Variants in IKBKE observed in about 807,000 individuals in gnomAD.
IKBKE encodes inhibitor of nuclear factor kappa B kinase subunit epsilon.
In IKBKE, 45 loss-of-function variants were observed where a neutral mutation model predicts 92.1. That is an observed-to-expected ratio of 0.49 (90% CI 0.38 to 0.63). The LOEUF is 0.63. IKBKE is among the 20% of genes least tolerant of loss of function. IKBKE has a pLI of 0.00. For synonymous variants in IKBKE, 374 were observed against 380.3 expected (o/e 0.98, Z 0.19); for missense variants, 700 against 932.8 (o/e 0.75, Z 3.25).
chr1:206,476,468 A>C lies in IKBKE; in HGVS notation c.540+106A>C. 1 of 1,257,544 alleles carries C rather than the reference A, an allele frequency of 8.0e-7. No individual in the cohort carries two copies. The highest frequency in any genetic ancestry group is 2.4e-5 in the East Asian group (1 of 42,502). 77.9% of individuals were successfully genotyped at this position (1,257,544 alleles called of 1,614,324 possible). A position where few individuals can be genotyped will look rare whatever the true frequency, so the allele number is the denominator to read the frequency against. ...GGTGTGGCCCACCTCCTGCTTCCAC[A>C]GGAGTTATGTCTCTCCCCTGTACCC... On this transcript the variant is annotated intron_variant, in intron 6 of 21. Transcript: ENST00000581977. The surrounding 1 kb of genome is among the most constrained non-coding windows in gnomAD (Gnocchi z 5.1).
chr1:206,480,544 G>C lies in IKBKE; in HGVS notation c.1427+11G>C. On this transcript the variant is annotated intron_variant, in intron 13 of 21. Transcript: ENST00000581977. Reference sequence around the variant, plus strand: ...CCTGGGAACTGAGAGGTGGGTGTTCGCCTCAGGCCAGCTGGGACCTCTCAG... The same window carrying C: ...CCTGGGAACTGAGAGGTGGGTGTTCCCCTCAGGCCAGCTGGGACCTCTCAG... The C allele has an allele frequency of 6.2e-7, 1 of 1,603,962 alleles. No homozygotes were observed. Among genetic ancestry groups the C allele is most frequent in the Non-Finnish European group, 8.5e-7 (1 of 1,172,058 alleles).
rs1226446426 is a variant in IKBKE, at chr1:206,487,861, T to G, written c.1617-53T>G. ...GCCACCCTTCCCCTCCCTCCCTCTTTCCTCTGTGCTATTAGATTCTTCCAA... is the reference window on the plus strand; with the variant it reads ...GCCACCCTTCCCCTCCCTCCCTCTTGCCTCTGTGCTATTAGATTCTTCCAA... On this transcript the variant is annotated intron_variant, in intron 15 of 21. Coordinates refer to ENST00000581977, the MANE Select transcript of IKBKE (RefSeq NM_014002.4). This position sits in a 1 kb window ranked among gnomAD's most constrained non-coding sequence, Gnocchi z 5.3. 4 of 1,454,914 alleles carry G rather than the reference T, an allele frequency of 2.7e-6. No homozygotes were observed. The Admixed American group carries it at 7.0e-5, about 25-fold the overall frequency. The allele number at this position is 1,454,914 out of a possible 1,614,324, so 90.1% of individuals were successfully genotyped here.
rs782819440 is a variant in IKBKE at position 206,485,695 on chromosome 1, A to C, written c.1616+389A>C. Among the ~76,000 whole-genome samples the C allele has an allele frequency of 6.6e-6, 1 of 152,206 alleles. No individual in the cohort carries two copies. Among genetic ancestry groups the C allele is most frequent in the Non-Finnish European group, 1.5e-5 (1 of 68,032 alleles). On this transcript the variant is annotated intron_variant, in intron 15 of 21. Coordinates refer to ENST00000581977, the MANE Select transcript of IKBKE (RefSeq NM_014002.4). This position sits in a 1 kb window ranked among gnomAD's most constrained non-coding sequence, Gnocchi z 5.0. ...ATGATGCTATGATAATGCCCTTTTT[A>C]TAGAACCTCAGTCAGTGAGGTTAAC... is the stretch of plus-strand genomic sequence containing the variant.
intron 13 of IKBKE, among the ~76,000 whole-genome samples, chr1:206,483,888 G>T (rs1665520290): frequency 6.6e-6 from 1 of 152,018 alleles, no homozygotes; most frequent in Non-Finnish European, 1.5e-5. Flanking sequence ...TGTTTGTCTT[G>T]TCCTTCTTTC....
intron 21 of IKBKE, among the ~76,000 whole-genome samples, chr1:206,495,803 C>A (rs944774): frequency 0.43 from 66,084 of 151,984 alleles, 14,721 homozygotes; most frequent in South Asian, 0.58. Context: ...AACTCCTTTC[C>A]CCTCCTAAAC....
chr1:206,492,489 T>C, intron 18 of IKBKE: 1 of 471,358 alleles, frequency 2.1e-6, no homozygotes, highest in South Asian at 1.5e-5. Context: ...TCTGGTGTAA[T>C]TGCTCTGGAG....
chr1:206,474,289 C>T (rs1553384557), intron 3 of IKBKE, 42 bp from the exon 4 acceptor site: 1 of 1,584,354 alleles, frequency 6.3e-7, no homozygotes, highest in Non-Finnish European at 8.6e-7. Flanking sequence ...GGGACATGTG[C>T]TAATCCCATG....
chr1:206,471,489 C>T (rs1243755803), intron 2 of IKBKE, among the ~76,000 whole-genome samples: 1 of 152,194 alleles, frequency 6.6e-6, no homozygotes, highest in African/African-American at 2.4e-5. Flanking sequence ...CACCGCTTGT[C>T]TGGGGGTCTG....
At chr1:206,489,498 T>C (rs1412919478) in intron 16 of IKBKE, among the ~76,000 whole-genome samples, 1 of 145,930 alleles carries the variant, frequency 6.9e-6, no homozygotes, top group African/African-American at 2.5e-5. Flanking sequence ...GGCCCAGGAG[T>C]TCAAGACCAG....
intron 2 of IKBKE, among the ~76,000 whole-genome samples, chr1:206,471,458 C>T (rs966936634): frequency 8.5e-5 from 13 of 152,220 alleles, no homozygotes; most frequent in East Asian, 3.9e-4. Flanking sequence ...CCAGAGCTCC[C>T]GGGCACAGAA....
At chr1:206,492,514 C>T in intron 18 of IKBKE, 2 of 471,376 alleles carry the variant, frequency 4.2e-6, no homozygotes, top group Non-Finnish European at 8.8e-6. Flanking sequence ...GCTTGGATGT[C>T]AGTGTAGTAC....
In IKBKE at chr1:206,478,919, G is replaced by A. The variant is rs2103460730; in HGVS notation, c.993-24G>A. On this transcript the variant is annotated intron_variant, in intron 9 of 21. Transcript: ENST00000581977. The surrounding 1 kb of genome is among the most constrained non-coding windows in gnomAD (Gnocchi z 4.8). ...TGCCTACTGACACCCCCTGCCCTCT[G>A]CTCCCCACCACGGCTGTGTCTAGGA... 2 of 1,611,458 alleles carry A rather than the reference G, an allele frequency of 1.2e-6. No individual in the cohort carries two copies. The highest frequency in any genetic ancestry group is 1.7e-6 in the Non-Finnish European group (2 of 1,177,934).
Position 206,474,981 on chromosome 1 carries a change from G to A in IKBKE, c.345G>A (p.Val115=), listed in dbSNP as rs2103451329. ...FGLPEDEFLV[V]LRCVVAGMNH... is the part of the protein sequence containing the mutation. ...TGCCTGAGGATGAGTTCCTGGTGGT[G>A]CTGCGCTGTGTGGGTGAGCCCCTCC... Residue 115 remains valine, a synonymous_variant, in exon 5 of 22, where the codon GTG becomes GTA. Coordinates refer to ENST00000581977, the MANE Select transcript of IKBKE (RefSeq NM_014002.4). 1 of 1,614,024 alleles carries A rather than the reference G, an allele frequency of 6.2e-7. No homozygotes were observed. Among genetic ancestry groups the A allele is most frequent in the Non-Finnish European group, 8.5e-7 (1 of 1,180,032 alleles).
chr1:206,483,494 A>G (rs978308674), intron 13 of IKBKE, among the ~76,000 whole-genome samples: 25 of 152,290 alleles, frequency 1.6e-4, no homozygotes, highest in African/African-American at 5.3e-4. Flanking sequence ...GAGCAAAGCG[A>G]CGGCACCCCT....
chr1:206,493,095 G>T lies in IKBKE; in HGVS notation c.1908G>T (p.Gln636His). The T allele has an allele frequency of 6.3e-7, 1 of 1,593,524 alleles. No homozygotes were observed. Among genetic ancestry groups the T allele is most frequent in the South Asian group, 1.1e-5 (1 of 88,512 alleles). ...CSVAACNTEA[Q>H]GVQESLSKLL... Reference sequence around the variant, plus strand: ...TGGCTGCCTGTAACACAGAAGCCCAGGGGGTCCAGGAGAGTCTCAGCAAGG... The same window carrying T: ...TGGCTGCCTGTAACACAGAAGCCCATGGGGTCCAGGAGAGTCTCAGCAAGG... The change falls in exon 19 of 22, where the codon CAG (glutamine) becomes CAT (histidine). Residue 636 changes from glutamine (Q) to histidine (H), a missense_variant. Transcript: ENST00000581977.
chr1:206,486,623 C>T (rs1553388805), intron 15 of IKBKE, among the ~76,000 whole-genome samples: 5 of 148,542 alleles, frequency 3.4e-5, no homozygotes, highest in Non-Finnish European at 7.4e-5. Flanking sequence ...GGCTGAGGAT[C>T]GAGGCCCCAT....
intron 3 of IKBKE, 124 bp downstream of exon 3, chr1:206,473,438 G>A (rs1420544257): frequency 1.5e-5 from 10 of 683,650 alleles, no homozygotes; most frequent in South Asian, 1.3e-4. Context: ...TGGATGTTGT[G>A]TAGCACACTC....
rs782010319 is a variant in IKBKE at position 206,479,992 on chromosome 1, G to A, written c.1249-30G>A. The A allele has an allele frequency of 8.7e-6, 14 of 1,612,140 alleles. No homozygotes were observed. In the East Asian group the frequency reaches 2.7e-4, roughly 31 times the overall value. ...CATGACCCAAGGGTAGGAGGTGTGG[G>A]ACCTGGCCCTGTGCATCTCTGTGTT... On this transcript the variant is annotated intron_variant, in intron 11 of 21. Coordinates refer to ENST00000581977, the MANE Select transcript of IKBKE (RefSeq NM_014002.4).
At position 206,485,874 on chromosome 1, in the gene IKBKE, C is replaced by T. The variant is rs986883757; in HGVS notation, c.1616+568C>T. Among the ~76,000 whole-genome samples, 1 of 152,174 alleles carries T rather than the reference C, an allele frequency of 6.6e-6. No individual in the cohort carries two copies. Among genetic ancestry groups the T allele is most frequent in the Non-Finnish European group, 1.5e-5 (1 of 68,038 alleles). On this transcript the variant is annotated intron_variant, in intron 15 of 21. Coordinates refer to ENST00000581977, the MANE Select transcript of IKBKE (RefSeq NM_014002.4). This position sits in a 1 kb window ranked among gnomAD's most constrained non-coding sequence, Gnocchi z 5.0. ...CCTTTTAACAGACATAAAAATACCC[C>T]CCTCCCCCAGGCCCCAGCTGACTGT... is the stretch of plus-strand genomic sequence containing the variant.
Sources: allele counts gnomAD v4.1 joint callset (sites outside exome capture counted in the v4.1 genomes callset), GRCh38; gene constraint gnomAD v4.1.1; non-coding constraint Gnocchi (gnomAD v3.1); transcripts MANE v1.5; gene names NCBI Gene and HGNC (gene_info 2026-07-23, HGNC 2026-07-21).